PCDHGB7: variants seen among roughly 807,000 people sequenced by gnomAD.
PCDHGB7 encodes protocadherin gamma-B7.
PCDHGB7 carries 37 observed loss-of-function variants against 61.4 expected under a neutral mutation model. The observed-to-expected ratio is 0.60, with a 90% CI of 0.46 to 0.79. PCDHGB7 has a LOEUF of 0.79. PCDHGB7 is among the 30% of genes least tolerant of loss of function. The probability of loss-of-function intolerance (pLI) is 0.00; values close to 1 mark genes in which losing one functional copy is unlikely to be tolerated. For missense variants in PCDHGB7, 1,166 were observed against 1,202.5 expected, an observed-to-expected ratio of 0.97 and a Z score of 0.45; for synonymous variants, 464 against 503.5, an observed-to-expected ratio of 0.92 and a Z score of 1.05.
At chr5:141,446,621 C>T (rs1284919173) in intron 1 of PCDHGB7, among the ~76,000 whole-genome samples, 2 of 152,094 alleles carry the variant, frequency 1.3e-5, no homozygotes, top group Non-Finnish European at 2.9e-5. Flanking sequence ...GGACTACAGG[C>T]GTGCACCACC....
At chr5:141,450,675 C>T (rs377412699) in intron 1 of PCDHGB7, among the ~76,000 whole-genome samples, 3 of 151,614 alleles carry the variant, frequency 2.0e-5, no homozygotes, top group South Asian at 4.2e-4. Flanking sequence ...TTAGTAGAAA[C>T]GGGGTTTTGC....
intron 1 of PCDHGB7, among the ~76,000 whole-genome samples, chr5:141,434,766 A>T (rs1383531828): frequency 1.3e-5 from 2 of 151,012 alleles, no homozygotes; most frequent in Non-Finnish European, 3.0e-5. Context: ...CCCACTTCAC[A>T]CTTCTAAAAA....
At position 141,511,106 on chromosome 5, in the gene PCDHGB7, G is replaced by T. The variant is rs536900646; in HGVS notation, c.2723G>T (p.Arg908Leu). ...NATLTNAAGK[R>L]DGKAPAGGNG... is the part of the protein sequence containing the mutation. Reference sequence around the variant, plus strand: ...ACACTGACCAACGCAGCTGGCAAGCGGGATGGCAAGGCCCCAGCAGGTGGC... The same window carrying T: ...ACACTGACCAACGCAGCTGGCAAGCTGGATGGCAAGGCCCCAGCAGGTGGC... Residue 908 changes from arginine to leucine, a missense_variant, in exon 4 of 4, where the codon CGG becomes CTG. Transcript: ENST00000398594. 8.7e-6 allele frequency: 14 copies of T among 1,614,196 alleles called. No individual in the cohort carries two copies. Among genetic ancestry groups the T allele is most frequent in the Non-Finnish European group, 1.2e-5 (14 of 1,180,016 alleles).
chr5:141,485,866 C>T lies in PCDHGB7; in HGVS notation c.2416-8941C>T. The T allele has an allele frequency of 2.5e-6, 4 of 1,614,144 alleles. No individual in the cohort carries two copies. Among genetic ancestry groups the T allele is most frequent in the Non-Finnish European group, 3.4e-6 (4 of 1,180,014 alleles). On this transcript the variant is annotated intron_variant, in intron 1 of 3. Coordinates refer to ENST00000398594, the MANE Select transcript of PCDHGB7 (RefSeq NM_018927.4). The surrounding 1 kb of genome is among the most constrained non-coding windows in gnomAD (Gnocchi z 5.7). ...CTGGCACCGCAGAGCTCCGGGTATCCGTGCTGGACGTAAACGACAACGCCC... is the reference window on the plus strand; with the variant it reads ...CTGGCACCGCAGAGCTCCGGGTATCTGTGCTGGACGTAAACGACAACGCCC...
At position 141,485,325 on chromosome 5, in the gene PCDHGB7, A is replaced by T; in HGVS notation, c.2416-9482A>T. 6.2e-7 allele frequency: 1 copy of T among 1,614,078 alleles called. No homozygotes were observed. Among genetic ancestry groups the T allele is most frequent in the Non-Finnish European group, 8.5e-7 (1 of 1,180,014 alleles). ...ACTTTTGTAGGGAATGTCGCTCAAG[A>T]TTTCCTGCTGGATACGGACAGTCTG... is the stretch of plus-strand genomic sequence containing the variant. On this transcript the variant is annotated intron_variant, in intron 1 of 3. Coordinates refer to ENST00000398594, the MANE Select transcript of PCDHGB7 (RefSeq NM_018927.4). This position sits in a 1 kb window ranked among gnomAD's most constrained non-coding sequence, Gnocchi z 5.7.
At chr5:141,479,877 T>C (rs967661238) in intron 1 of PCDHGB7, among the ~76,000 whole-genome samples, 2 of 152,188 alleles carry the variant, frequency 1.3e-5, no homozygotes, top group African/African-American at 4.8e-5. Flanking sequence ...GAGAACCCTA[T>C]ACATACTCTC....
chr5:141,511,147 A>T lies in PCDHGB7; in HGVS notation c.2764A>T (p.Lys922Ter). The change falls in exon 4 of 4, where the codon AAG becomes TAG. Residue 922 changes from lysine to a stop codon, truncating the protein, a stop_gained. Coordinates refer to ENST00000398594, the MANE Select transcript of PCDHGB7 (RefSeq NM_018927.4). LOFTEE classifies it high-confidence loss of function. Reference sequence around the variant, plus strand: ...AGCAGGTGGCAATGGCAACAAGAAGAAGTCGGGCAAGAAGGAGAAGAAGTA... The same window carrying T: ...AGCAGGTGGCAATGGCAACAAGAAGTAGTCGGGCAAGAAGGAGAAGAAGTA... The part of the protein sequence containing the change: ...APAGGNGNKK[K>*]SGKKEKK 1 of 1,614,188 alleles carries T rather than the reference A, an allele frequency of 6.2e-7. No homozygotes were observed. Among genetic ancestry groups the T allele is most frequent in the East Asian group, 2.2e-5 (1 of 44,876 alleles).
rs368105487 is a variant in PCDHGB7 at position 141,489,478 on chromosome 5, A to G, written c.2416-5329A>G. On this transcript the variant is annotated intron_variant, in intron 1 of 3. Transcript: ENST00000398594. This position sits in a 1 kb window ranked among gnomAD's most constrained non-coding sequence, Gnocchi z 4.5. Reference sequence around the variant, plus strand: ...TGGGCGCTATTTTTCCCTGAGCTTGATGAGTGGTGCCCTGGCAGTGAATCA... The same window carrying G: ...TGGGCGCTATTTTTCCCTGAGCTTGGTGAGTGGTGCCCTGGCAGTGAATCA... The G allele has an allele frequency of 1.1e-5, 18 of 1,613,956 alleles. No individual in the cohort carries two copies. The highest frequency in any genetic ancestry group is 1.5e-5 in the Non-Finnish European group (18 of 1,180,030).
Position 141,476,348 on chromosome 5 carries a change from G to C in PCDHGB7, c.2416-18459G>C, listed in dbSNP as rs764669470. Reference sequence around the variant, plus strand: ...GTCTGGAGCTAGCCGAAGATTCTTTGAGGTGAACCGGGAGACCGGAGAGAT... The same window carrying C: ...GTCTGGAGCTAGCCGAAGATTCTTTCAGGTGAACCGGGAGACCGGAGAGAT... On this transcript the variant is annotated intron_variant, in intron 1 of 3. Transcript: ENST00000398594. The surrounding 1 kb of genome is among the most constrained non-coding windows in gnomAD (Gnocchi z 7.6). 2 of 1,614,190 alleles carry C rather than the reference G, an allele frequency of 1.2e-6. No individual in the cohort carries two copies. The highest frequency in any genetic ancestry group is 2.2e-5 in the South Asian group (2 of 91,078).
At chr5:141,445,282 T>G (rs1023693067) in intron 1 of PCDHGB7, among the ~76,000 whole-genome samples, 4 of 152,220 alleles carry the variant, frequency 2.6e-5, no homozygotes, top group Non-Finnish European at 5.9e-5. Context: ...TCTGCATAAG[T>G]TCAGGCTTCC....
rs917165100 is a variant in PCDHGB7, at chr5:141,442,878, C to T, written c.2415+22604C>T. Among the ~76,000 whole-genome samples, 6 of 152,178 alleles carry T rather than the reference C, an allele frequency of 3.9e-5. No homozygotes were observed. In the South Asian group the frequency reaches 8.3e-4, roughly 21 times the overall value. The stretch of plus-strand genomic sequence containing the variant: ...GTATGAGAGATGTAAATTTACAACT[C>T]AGAATCCCTGCTTATCACTTCTCCT... On this transcript the variant is annotated intron_variant, in intron 1 of 3. Coordinates refer to ENST00000398594, the MANE Select transcript of PCDHGB7 (RefSeq NM_018927.4).
intron 1 of PCDHGB7, among the ~76,000 whole-genome samples, chr5:141,463,641 C>T (rs182957065): frequency 2.0e-5 from 3 of 151,734 alleles, no homozygotes; most frequent in African/African-American, 7.2e-5. Context: ...TTAGTAGAGA[C>T]GGGGTTTCAC....
At position 141,417,940 on chromosome 5, in the gene PCDHGB7, C is replaced by T. The variant is rs757819377; in HGVS notation, c.81C>T (p.Pro27=). Residue 27 remains proline, a synonymous_variant, in exon 1 of 4, where the codon CCC becomes CCT. Transcript: ENST00000398594. ...CTTTGCTGCTGCCTTTGTTCTACCC[C>T]ACGCTGTGTGAGCCGATCCGCTACT... ...LFPLLLPLFY[P]TLCEPIRYSI... The T allele has an allele frequency of 1.2e-6, 2 of 1,613,054 alleles. No individual in the cohort carries two copies. The highest frequency in any genetic ancestry group is 1.1e-5 in the South Asian group (1 of 90,990).
Position 141,491,913 on chromosome 5 carries a change from T to C in PCDHGB7, c.2416-2894T>C, listed in dbSNP as rs2099735120. 2.1e-6 allele frequency: 3 copies of C among 1,398,206 alleles called. No homozygotes were observed. Among genetic ancestry groups the C allele is most frequent in the Non-Finnish European group, 2.9e-6 (3 of 1,051,918 alleles). The allele number at this position is 1,398,206 out of a possible 1,614,324, so 86.6% of individuals were successfully genotyped here. On this transcript the variant is annotated intron_variant, in intron 1 of 3. Coordinates refer to ENST00000398594, the MANE Select transcript of PCDHGB7 (RefSeq NM_018927.4). The surrounding 1 kb of genome is among the most constrained non-coding windows in gnomAD (Gnocchi z 6.9). ...TCCGAGCACCGGGGGTGGTGGCGAC[T>C]GTGGGCGAGGGGAGGTGGGACCGAC... is the stretch of plus-strand genomic sequence containing the variant.
At position 141,491,514 on chromosome 5, in the gene PCDHGB7, G is replaced by A. The variant is rs753335815; in HGVS notation, c.2416-3293G>A. ...AGGTGAGCTCGGACGGCACGCTCAAGTACATGGAGGTGACGCTGCGGCCCA... is the reference window on the plus strand; with the variant it reads ...AGGTGAGCTCGGACGGCACGCTCAAATACATGGAGGTGACGCTGCGGCCCA... On this transcript the variant is annotated intron_variant, in intron 1 of 3. Coordinates refer to ENST00000398594, the MANE Select transcript of PCDHGB7 (RefSeq NM_018927.4). The surrounding 1 kb of genome is among the most constrained non-coding windows in gnomAD (Gnocchi z 6.9). 2 of 1,613,964 alleles carry A rather than the reference G, an allele frequency of 1.2e-6. No individual in the cohort carries two copies. Among genetic ancestry groups the A allele is most frequent in the East Asian group, 2.2e-5 (1 of 44,892 alleles).
At position 141,487,728 on chromosome 5, in the gene PCDHGB7, C is replaced by T. The variant is rs986276637; in HGVS notation, c.2416-7079C>T. 2 of 1,570,444 alleles carry T rather than the reference C, an allele frequency of 1.3e-6. No homozygotes were observed. Among genetic ancestry groups the T allele is most frequent in the East Asian group, 2.3e-5 (1 of 42,866 alleles). ...TCAGTAAGTGCCCATAGTGATGTCA[C>T]CATTTTTGTAAGAGGTAACTATGTG... On this transcript the variant is annotated intron_variant, in intron 1 of 3. Coordinates refer to ENST00000398594, the MANE Select transcript of PCDHGB7 (RefSeq NM_018927.4). The surrounding 1 kb of genome is among the most constrained non-coding windows in gnomAD (Gnocchi z 5.0).
Position 141,489,169 on chromosome 5 carries a change from C to T in PCDHGB7, c.2416-5638C>T. On this transcript the variant is annotated intron_variant, in intron 1 of 3. Coordinates refer to ENST00000398594, the MANE Select transcript of PCDHGB7 (RefSeq NM_018927.4). This position sits in a 1 kb window ranked among gnomAD's most constrained non-coding sequence, Gnocchi z 4.5. ...GAGACATAAGAGACTTCAGCTGCTG[C>T]ATTCCAAGCCCTGGGTCTACCTTGG... 3 of 1,124,648 alleles carry T rather than the reference C, an allele frequency of 2.7e-6. No individual in the cohort carries two copies. The highest frequency in any genetic ancestry group is 3.8e-6 in the Non-Finnish European group (3 of 783,910). The allele number at this position is 1,124,648 out of a possible 1,614,324, so 69.7% of individuals were successfully genotyped here. A position where few individuals can be genotyped will look rare whatever the true frequency, so the allele number is the denominator to read the frequency against.
intron 1 of PCDHGB7, among the ~76,000 whole-genome samples, chr5:141,463,911 T>C (rs749224024): frequency 6.6e-6 from 1 of 152,156 alleles, no homozygotes; most frequent in African/African-American, 2.4e-5. Context: ...TAATAATATA[T>C]CCTGGAAATC....
chr5:141,456,884 A>G (rs1448469695), intron 1 of PCDHGB7, among the ~76,000 whole-genome samples: 1 of 151,974 alleles, frequency 6.6e-6, no homozygotes, highest in East Asian at 1.9e-4. Flanking sequence ...AATCGCTTGA[A>G]CCCGGGAGGC....
Sources: allele counts gnomAD v4.1 joint callset (sites outside exome capture counted in the v4.1 genomes callset), GRCh38; gene constraint gnomAD v4.1.1; non-coding constraint Gnocchi (gnomAD v3.1); transcripts MANE v1.5; gene names NCBI Gene and HGNC (gene_info 2026-07-23, HGNC 2026-07-21).